Variants in CCDC60 observed in about 807,000 individuals in gnomAD.
CCDC60 encodes coiled-coil domain-containing protein 60.
CCDC60 carries 54 observed loss-of-function variants against 63.5 expected under a neutral mutation model. The ratio of observed to expected loss-of-function variants is 0.85; its 90% CI spans 0.68 to 1.07. The LOEUF is 1.07. Among genes scored for constraint, CCDC60 ranks in the 50% least tolerant of loss-of-function variants. The pLI, the probability that CCDC60 is intolerant of heterozygous loss-of-function variation, is 0.00. For missense variants in CCDC60, 651 were observed against 684.3 expected (o/e 0.95, Z 0.54); for synonymous variants, 206 against 238.8 (o/e 0.86, Z 1.27).
intron 1 of CCDC60, among the ~76,000 whole-genome samples, chr12:119,340,852 G>A (rs991190725): frequency 7.9e-5 from 12 of 152,082 alleles, no homozygotes; most frequent in Middle Eastern, 3.4e-3. Context: ...CTGAGACCAC[G>A]CCCCCTGCAT....
intron 5 of CCDC60, among the ~76,000 whole-genome samples, chr12:119,491,715 T>C (rs1340333575): frequency 1.3e-5 from 2 of 151,208 alleles, no homozygotes; most frequent in Non-Finnish European, 3.0e-5. Flanking sequence ...GCAATATCTT[T>C]TTTTTTTTTT....
intron 2 of CCDC60, among the ~76,000 whole-genome samples, chr12:119,436,294 C>G (rs995300554): frequency 2.6e-5 from 4 of 152,056 alleles, no homozygotes; most frequent in Non-Finnish European, 4.4e-5. Flanking sequence ...GAGTCTCACT[C>G]TTGGGAATGT....
chr12:119,354,816 T>C (rs1314663143), intron 1 of CCDC60, among the ~76,000 whole-genome samples: 1 of 152,220 alleles, frequency 6.6e-6, no homozygotes, highest in Non-Finnish European at 1.5e-5. Flanking sequence ...CTAGTAGCAG[T>C]AGAATTCAGG....
chr12:119,400,437 A>G lies in CCDC60; in HGVS notation c.91-28246A>G, dbSNP rs187145143. 1.1e-4 allele frequency among the ~76,000 whole-genome samples: 16 copies of G among 152,374 alleles called. No homozygotes were observed. In the East Asian group the frequency reaches 3.1e-3, roughly 29 times the overall value. On this transcript the variant is annotated intron_variant, in intron 1 of 13. Coordinates refer to ENST00000327554, the MANE Select transcript of CCDC60 (RefSeq NM_178499.5). ...GATGGAGACGAGTAAATATTTCAATATCGCTAAAAAGGGAAAGAAATGAAG... is the reference window on the plus strand; with the variant it reads ...GATGGAGACGAGTAAATATTTCAATGTCGCTAAAAAGGGAAAGAAATGAAG...
Position 119,505,062 on chromosome 12 carries a change from C to T in CCDC60, c.649-7C>T, listed in dbSNP as rs1238802425. The T allele has an allele frequency of 1.9e-6, 3 of 1,592,406 alleles. No individual in the cohort carries two copies. The highest frequency in any genetic ancestry group is 3.4e-5 in the Admixed American group (2 of 58,638). On this transcript the variant is annotated splice_polypyrimidine_tract_variant and splice_region_variant and intron_variant, in intron 6 of 13. Coordinates refer to ENST00000327554, the MANE Select transcript of CCDC60 (RefSeq NM_178499.5). ...CCTGAAACCTCTCTTTCTTCTCTTTCCTTTAGACCAAGAAATTCAAAATTC... is the reference window on the plus strand; with the variant it reads ...CCTGAAACCTCTCTTTCTTCTCTTTTCTTTAGACCAAGAAATTCAAAATTC...
chr12:119,511,886 G>T (rs965582719), intron 7 of CCDC60, among the ~76,000 whole-genome samples: 1 of 152,170 alleles, frequency 6.6e-6, no homozygotes, highest in Non-Finnish European at 1.5e-5. Flanking sequence ...CAGCTCCCTT[G>T]CTAATAGGCT....
intron 7 of CCDC60, among the ~76,000 whole-genome samples, chr12:119,507,784 C>T (rs1249934987): frequency 6.6e-6 from 1 of 151,134 alleles, no homozygotes; most frequent in African/African-American, 2.4e-5. Flanking sequence ...TTAACACATA[C>T]TTTTTGAGCA....
chr12:119,351,608 T>C (rs1955657410), intron 1 of CCDC60, among the ~76,000 whole-genome samples: 1 of 152,174 alleles, frequency 6.6e-6, no homozygotes, highest in Non-Finnish European at 1.5e-5. Flanking sequence ...AACCAGATCT[T>C]GTAACAACTT....
In CCDC60 at chr12:119,367,313, C is replaced by T. The variant is rs371157787; in HGVS notation, c.90+32047C>T. On this transcript the variant is annotated intron_variant, in intron 1 of 13. Transcript: ENST00000327554. ...GTGCAAGGTCATGGAGGGCTATAGT[C>T]CTACCCTCTGAAGTAAGTTAAACCC... Among the ~76,000 whole-genome samples the T allele has an allele frequency of 4.6e-5, 7 of 152,140 alleles. No individual in the cohort carries two copies. In the East Asian group the frequency reaches 1.3e-3, roughly 29 times the overall value.
At chr12:119,383,849 A>T (rs1870218133) in intron 1 of CCDC60, among the ~76,000 whole-genome samples, 1 of 152,174 alleles carries the variant, frequency 6.6e-6, no homozygotes. Context: ...GCTGATGAAA[A>T]GACTTGGGGT....
intron 2 of CCDC60, among the ~76,000 whole-genome samples, chr12:119,433,184 C>T (rs1950263150): frequency 6.6e-6 from 1 of 152,082 alleles, no homozygotes; most frequent in African/African-American, 2.4e-5. Context: ...TTCACCAGCA[C>T]ACCACGGGGG....
At chr12:119,373,273 A>G (rs1398857969) in intron 1 of CCDC60, among the ~76,000 whole-genome samples, 1 of 152,182 alleles carries the variant, frequency 6.6e-6, no homozygotes, top group Admixed American at 6.5e-5. Context: ...CATTTACTCA[A>G]TAAATAATCT....
intron 1 of CCDC60, among the ~76,000 whole-genome samples, chr12:119,386,401 T>A (rs1317934497): frequency 1.3e-5 from 2 of 152,124 alleles, no homozygotes; most frequent in African/African-American, 4.8e-5. Context: ...AAAACCAATA[T>A]TTTTCCTGCC....
chr12:119,471,665 G>A (rs1237029559), intron 2 of CCDC60, among the ~76,000 whole-genome samples: 1 of 152,166 alleles, frequency 6.6e-6, no homozygotes, highest in African/African-American at 2.4e-5. Context: ...GTCTGGCTGA[G>A]TCTGGAAATC....
intron 1 of CCDC60, among the ~76,000 whole-genome samples, chr12:119,346,065 T>C (rs542972200): frequency 8.7e-5 from 13 of 148,872 alleles, no homozygotes; most frequent in Admixed American, 7.4e-4. Flanking sequence ...GCTCAAGAGA[T>C]CTACCCACCT....
chr12:119,493,132 C>T (rs746596724), intron 5 of CCDC60, among the ~76,000 whole-genome samples: 5 of 152,190 alleles, frequency 3.3e-5, no homozygotes, highest in Non-Finnish European at 5.9e-5. Context: ...GAGTCTCCAT[C>T]ATCAAGCAAC....
intron 1 of CCDC60, among the ~76,000 whole-genome samples, chr12:119,361,201 G>GAGGGAC (rs1955787484): frequency 6.7e-6 from 1 of 149,390 alleles, no homozygotes; most frequent in Admixed American, 6.7e-5. Flanking sequence ...AGGGAGACGA[G>GAGGGAC]AGGGAGAGGG....
chr12:119,472,099 G>C lies in CCDC60; in HGVS notation c.276G>C (p.Glu92Asp). The change falls in exon 3 of 14, where the codon GAG becomes GAC. Residue 92 changes from glutamate to aspartate, a missense_variant. Transcript: ENST00000327554. Reference protein sequence around the residue: ...KQQQLQKLKEEERNKFQPAEK... With the variant: ...KQQQLQKLKEDERNKFQPAEK... The stretch of plus-strand genomic sequence containing the variant: ...AACAACTTCAGAAACTGAAAGAGGA[G>C]GAAAGAAATAAATTCCAGCCAGCCG... 1 of 1,614,118 alleles carries C rather than the reference G, an allele frequency of 6.2e-7. No individual in the cohort carries two copies. The highest frequency in any genetic ancestry group is 8.5e-7 in the Non-Finnish European group (1 of 1,180,006).
chr12:119,532,949 G>C (rs1952897713), intron 13 of CCDC60, among the ~76,000 whole-genome samples: 1 of 152,082 alleles, frequency 6.6e-6, no homozygotes, highest in South Asian at 2.1e-4. Context: ...GGGATTGCTG[G>C]ATCAAATGGT....
Sources: allele counts gnomAD v4.1 joint callset (sites outside exome capture counted in the v4.1 genomes callset), GRCh38; gene constraint gnomAD v4.1.1; transcripts MANE v1.5; gene names NCBI Gene and HGNC (gene_info 2026-07-23, HGNC 2026-07-21).